Variants in CDK6 observed in about 807,000 individuals in gnomAD.
CDK6 encodes the protein cyclin-dependent kinase 6.
A neutral mutation model predicts 37.1 loss-of-function variants in CDK6; 6 were observed. The observed-to-expected ratio is 0.16, with a 90% CI of 0.09 to 0.32. The LOEUF (loss-of-function observed/expected upper bound fraction) is 0.32. Ranked by LOEUF, CDK6 falls within the 10% of genes least tolerant of loss-of-function variation. The probability of loss-of-function intolerance (pLI) is 1.00; values close to 1 mark genes in which losing one functional copy is unlikely to be tolerated. For synonymous variants in CDK6, 160 were observed against 161.3 expected (o/e 0.99, Z 0.06); for missense variants, 224 against 418.9 (o/e 0.53, Z 4.06).
intron 5 of CDK6, among the ~76,000 whole-genome samples, chr7:92,648,066 C>T (rs765373660): frequency 4.5e-4 from 68 of 152,124 alleles, no homozygotes; most frequent in Non-Finnish European, 8.5e-4. Flanking sequence ...GTTGGGGATT[C>T]GTTTTTGTAA....
At chr7:92,767,374 GTATGT>G (rs1342058393) in intron 3 of CDK6, among the ~76,000 whole-genome samples, 1 of 152,120 alleles carries the variant, frequency 6.6e-6, no homozygotes, top group Non-Finnish European at 1.5e-5. Flanking sequence ...AGCACAATAT[GTATGT>G]TCCTGATTGG....
chr7:92,793,823 A>G (rs1800339514), intron 2 of CDK6, among the ~76,000 whole-genome samples: 1 of 151,966 alleles, frequency 6.6e-6, no homozygotes, highest in African/African-American at 2.4e-5. Flanking sequence ...AGAAACAGAA[A>G]GTAGATTAGT....
chr7:92,678,093 C>T (rs910149053), intron 4 of CDK6, among the ~76,000 whole-genome samples: 9 of 152,064 alleles, frequency 5.9e-5, no homozygotes, highest in Non-Finnish European at 4.4e-5. Flanking sequence ...GGTTTTAGCT[C>T]GTGAAAGTTC....
At chr7:92,695,833 C>T (rs1331858733) in intron 4 of CDK6, among the ~76,000 whole-genome samples, 3 of 152,220 alleles carry the variant, frequency 2.0e-5, no homozygotes, top group Admixed American at 1.3e-4. Flanking sequence ...ACCTTCGCCT[C>T]TGTTTTCAAA....
Position 92,833,858 on chromosome 7 carries a change from G to T in CDK6, c.-367-168C>A. 1 of 398,894 alleles carries T rather than the reference G, an allele frequency of 2.5e-6. No individual in the cohort carries two copies. Among genetic ancestry groups the T allele is most frequent in the South Asian group, 1.3e-4 (1 of 7,910 alleles). The allele number at this position is 398,894 out of a possible 1,614,324, so 24.7% of individuals were successfully genotyped here. A position where few individuals can be genotyped will look rare whatever the true frequency, so the allele number is the denominator to read the frequency against. ...GCTTAATCCTTCCTGGTTCCTCCGA[G>T]AAAAGCGAAGTTACTTTTCTTTCCC... On this transcript the variant is annotated intron_variant, in intron 1 of 7. Coordinates refer to ENST00000424848, the MANE Select transcript of CDK6 (RefSeq NM_001145306.2). The surrounding 1 kb of genome is among the most constrained non-coding windows in gnomAD (Gnocchi z 6.1).
At chr7:92,763,631 T>C (rs1243583805) in intron 3 of CDK6, among the ~76,000 whole-genome samples, 3 of 152,230 alleles carry the variant, frequency 2.0e-5, no homozygotes, top group African/African-American at 4.8e-5. Context: ...ACAAATTTCC[T>C]ACATATCAAT....
chr7:92,669,698 A>G (rs2116599215), intron 5 of CDK6, among the ~76,000 whole-genome samples: 1 of 152,348 alleles, frequency 6.6e-6, no homozygotes, highest in East Asian at 1.9e-4. Flanking sequence ...AGAATCGCTG[A>G]AGGTACTTTT....
intron 5 of CDK6, among the ~76,000 whole-genome samples, chr7:92,665,344 C>T (rs1478009736): frequency 6.6e-6 from 1 of 152,092 alleles, no homozygotes; most frequent in East Asian, 1.9e-4. Flanking sequence ...TGGCCACTAA[C>T]CAAATTTATA....
chr7:92,795,317 A>C (rs1400964492), intron 2 of CDK6, among the ~76,000 whole-genome samples: 1 of 152,146 alleles, frequency 6.6e-6, no homozygotes, highest in Non-Finnish European at 1.5e-5. Context: ...GGCTCATGAA[A>C]GGGAAAACAA....
intron 6 of CDK6, among the ~76,000 whole-genome samples, chr7:92,619,712 G>T (rs1408269703): frequency 2.6e-5 from 4 of 151,814 alleles, no homozygotes; most frequent in Admixed American, 6.6e-5. Flanking sequence ...TGGCTTCTCT[G>T]CCTGGGTGTC....
chr7:92,685,485 T>C (rs1290042827), intron 4 of CDK6, among the ~76,000 whole-genome samples: 4 of 152,240 alleles, frequency 2.6e-5, no homozygotes, highest in African/African-American at 9.7e-5. Context: ...TTTCCATTTA[T>C]AAACATTTCA....
chr7:92,704,777 A>G (rs1463439003), intron 4 of CDK6, among the ~76,000 whole-genome samples: 1 of 152,178 alleles, frequency 6.6e-6, no homozygotes, highest in Non-Finnish European at 1.5e-5. Context: ...TTGGTATTAC[A>G]AACAATGCTG....
chr7:92,780,816 C>A (rs929501222), intron 2 of CDK6, among the ~76,000 whole-genome samples: 32 of 147,182 alleles, frequency 2.2e-4, no homozygotes, highest in African/African-American at 3.7e-4. Flanking sequence ...ACAAAAAAAA[C>A]CAAAAAAACC....
chr7:92,700,600 T>C (rs545671056), intron 4 of CDK6, among the ~76,000 whole-genome samples: 1 of 152,248 alleles, frequency 6.6e-6, no homozygotes, highest in South Asian at 2.1e-4. Flanking sequence ...TTCAGAAAGA[T>C]ATTTGGGTCT....
At chr7:92,746,775 G>A (rs1312868386) in intron 3 of CDK6, among the ~76,000 whole-genome samples, 2 of 151,642 alleles carry the variant, frequency 1.3e-5, no homozygotes, top group Non-Finnish European at 2.9e-5. Flanking sequence ...TTTTTTGCTT[G>A]CCTCAATATG....
chr7:92,628,297 A>C (rs558312455), intron 5 of CDK6, among the ~76,000 whole-genome samples: 2 of 151,634 alleles, frequency 1.3e-5, no homozygotes, highest in East Asian at 1.9e-4. Context: ...AGAAAAAAAA[A>C]CCCGACAACA....
chr7:92,738,611 C>T (rs2115618813), intron 3 of CDK6, among the ~76,000 whole-genome samples: 1 of 149,812 alleles, frequency 6.7e-6, no homozygotes, highest in African/African-American at 2.5e-5. Context: ...GCACTCCAGC[C>T]TGGGCAACAA....
intron 3 of CDK6, among the ~76,000 whole-genome samples, chr7:92,755,021 A>G (rs1048423827): frequency 6.6e-6 from 1 of 152,148 alleles, no homozygotes; most frequent in African/African-American, 2.4e-5. Flanking sequence ...GCAAAAACAT[A>G]AAAACGATCC....
intron 2 of CDK6, among the ~76,000 whole-genome samples, chr7:92,822,008 C>T (rs1254018981): frequency 6.6e-6 from 1 of 151,884 alleles, no homozygotes. Flanking sequence ...CTTGTAAGGA[C>T]AGCTATGGCC....
Sources: allele counts gnomAD v4.1 joint callset (sites outside exome capture counted in the v4.1 genomes callset), GRCh38; gene constraint gnomAD v4.1.1; non-coding constraint Gnocchi (gnomAD v3.1); transcripts MANE v1.5; gene names NCBI Gene and HGNC (gene_info 2026-07-23, HGNC 2026-07-21).